The following WDFY3 variants were observed in gnomAD, a reference collection of about 807,000 sequenced individuals.
The protein encoded by WDFY3 is WD repeat and FYVE domain containing 3.
A neutral mutation model predicts 409.6 loss-of-function variants in WDFY3; 66 were observed. The observed-to-expected ratio is 0.16, with a 90% confidence interval of 0.13 to 0.20. WDFY3 has a LOEUF of 0.20. Among genes scored for constraint, WDFY3 ranks in the 10% least tolerant of loss-of-function variants. The probability of loss-of-function intolerance (pLI) is 1.00; values close to 1 mark genes in which losing one functional copy is unlikely to be tolerated. For synonymous variants in WDFY3, 1,521 were observed against 1,537.1 expected (o/e 0.99, Z 0.25); for missense variants, 3,031 against 4,298.1 (o/e 0.71, Z 8.24).
chr4:84,865,663 C>T (rs545743460), intron 3 of WDFY3, among the ~76,000 whole-genome samples: 41 of 152,196 alleles, frequency 2.7e-4, no homozygotes, highest in Non-Finnish European at 5.3e-4. Context: ...GACCACTTTT[C>T]CTTGTTCTTT....
chr4:84,795,306 C>G (rs1448482101), intron 19 of WDFY3, among the ~76,000 whole-genome samples: 1 of 152,208 alleles, frequency 6.6e-6, no homozygotes, highest in African/African-American at 2.4e-5. Context: ...CTCCCATGTG[C>G]CCCTTACTGT....
intron 1 of WDFY3, among the ~76,000 whole-genome samples, chr4:84,941,345 A>G (rs986073444): frequency 6.6e-6 from 1 of 152,068 alleles, no homozygotes; most frequent in Non-Finnish European, 1.5e-5. Context: ...AAACAACTAA[A>G]AGTTATAGAT....
rs745477649 is a variant in WDFY3 at position 84,850,032 on chromosome 4, A to G, written c.181-7T>C. 7.6e-6 allele frequency: 12 copies of G among 1,573,836 alleles called. No homozygotes were observed. The highest frequency in any genetic ancestry group is 1.7e-4 in the Middle Eastern group (1 of 5,926). ...GCGGAGCATTTCCAAAAACCTGTAG[A>G]TAAGAAAAGACATTGTTAATGAAGC... On this transcript the variant is annotated splice_region_variant and splice_polypyrimidine_tract_variant and intron_variant, in intron 4 of 67. Coordinates refer to ENST00000295888, the MANE Select transcript of WDFY3 (RefSeq NM_014991.6).
intron 46 of WDFY3, among the ~76,000 whole-genome samples, chr4:84,722,627 C>T (rs184313180): frequency 3.3e-5 from 5 of 152,232 alleles, no homozygotes; most frequent in Non-Finnish European, 5.9e-5. Flanking sequence ...AATCACAGTA[C>T]GATAATTTAA....
chr4:84,871,792 G>A (rs1022903901), intron 3 of WDFY3, among the ~76,000 whole-genome samples: 2 of 151,900 alleles, frequency 1.3e-5, no homozygotes, highest in Non-Finnish European at 2.9e-5. Context: ...ATACCACCAC[G>A]GCCAGTTAAT....
intron 3 of WDFY3, among the ~76,000 whole-genome samples, chr4:84,887,442 A>C (rs202186759): frequency 2.6e-5 from 4 of 152,170 alleles, no homozygotes; most frequent in Non-Finnish European, 5.9e-5. Flanking sequence ...AGTGTAAAAC[A>C]CCAGCCATTC....
intron 13 of WDFY3, 46 bp from the exon 14 acceptor site, chr4:84,810,390 A>G (rs1417861939): frequency 4.6e-6 from 5 of 1,085,986 alleles, no homozygotes; most frequent in Non-Finnish European, 4.8e-6. Context: ...ACATAATTCA[A>G]AAAAAAAAAA....
chr4:84,717,920 C>T (rs192218408), intron 48 of WDFY3, among the ~76,000 whole-genome samples: 90 of 151,608 alleles, frequency 5.9e-4, no homozygotes, highest in Admixed American at 1.7e-3. Flanking sequence ...TGGTGGCGGG[C>T]GCCTGTAGTC....
In WDFY3 at chr4:84,920,872, G is replaced by C. The variant is rs905347205; in HGVS notation, c.-132+11398C>G. The stretch of plus-strand genomic sequence containing the variant: ...CTCCAATCATACCAAATTGGTGTAG[G>C]ACCTAATCACTTAGCATTTCTCGTC... On this transcript the variant is annotated intron_variant, in intron 2 of 67. Coordinates refer to ENST00000295888, the MANE Select transcript of WDFY3 (RefSeq NM_014991.6). Among the ~76,000 whole-genome samples, 10 of 151,778 alleles carry C rather than the reference G, an allele frequency of 6.6e-5. 1 individual carries two copies. Among genetic ancestry groups the C allele is most frequent in the African/African-American group, 2.4e-4 (10 of 41,286 alleles).
At position 84,736,166 on chromosome 4, in the gene WDFY3, G is replaced by A; in HGVS notation, c.6915+4C>T. On this transcript the variant is annotated splice_donor_region_variant and intron_variant, in intron 42 of 67. Coordinates refer to ENST00000295888, the MANE Select transcript of WDFY3 (RefSeq NM_014991.6). ...TAATATCAGCAATGAAACTAAAAAA[G>A]TACCTGGGTGGAAAGACTGTGTTTA... The A allele has an allele frequency of 1.9e-6, 3 of 1,605,012 alleles. No individual in the cohort carries two copies. Among genetic ancestry groups the A allele is most frequent in the Middle Eastern group, 1.7e-4 (1 of 5,994 alleles).
At chr4:84,947,539 A>AATG (rs897926892) in intron 1 of WDFY3, among the ~76,000 whole-genome samples, 5 of 146,422 alleles carry the variant, frequency 3.4e-5, no homozygotes, top group Non-Finnish European at 7.5e-5. Flanking sequence ...TAATAATAAT[A>AATG]ATAAAAATAA....
chr4:84,783,203 G>T (rs553880596), intron 24 of WDFY3, 129 bp from the exon 25 acceptor site: 4 of 825,696 alleles, frequency 4.8e-6, no homozygotes, highest in Non-Finnish European at 7.7e-6. Flanking sequence ...ACTGAAAAAC[G>T]AGCATTTAGG....
intron 58 of WDFY3, 30 bp from the exon 59 acceptor site, chr4:84,693,062 A>C: frequency 6.2e-7 from 1 of 1,600,314 alleles, no homozygotes; most frequent in Non-Finnish European, 8.5e-7. Flanking sequence ...CTCACTTTAT[A>C]ATGAAAGATA....
intron 25 of WDFY3, among the ~76,000 whole-genome samples, chr4:84,781,578 G>A (rs1746531479): frequency 6.6e-6 from 1 of 151,640 alleles, no homozygotes; most frequent in African/African-American, 2.4e-5. Context: ...TTACAGTGCT[G>A]GATTTTGAAA....
intron 3 of WDFY3, among the ~76,000 whole-genome samples, chr4:84,870,659 G>A (rs1206421967): frequency 6.6e-6 from 1 of 152,158 alleles, no homozygotes; most frequent in South Asian, 2.1e-4. Context: ...TTTTATCAGA[G>A]CCTTATCTTT....
intron 3 of WDFY3, among the ~76,000 whole-genome samples, chr4:84,875,530 A>G (rs190275813): frequency 1.1e-3 from 170 of 152,304 alleles, no homozygotes; most frequent in Non-Finnish European, 2.0e-3. Flanking sequence ...TTCTCCAATA[A>G]TAAATTAACT....
chr4:84,913,453 G>C (rs1300668409), intron 2 of WDFY3, among the ~76,000 whole-genome samples: 1 of 152,146 alleles, frequency 6.6e-6, no homozygotes, highest in East Asian at 1.9e-4. Flanking sequence ...AAAAAGGTGA[G>C]GGGTGAAGGG....
rs542850009 is a variant in WDFY3 at position 84,783,223 on chromosome 4, G to A, written c.4063-149C>T. 1.3e-4 allele frequency: 94 copies of A among 723,000 alleles called. 1 individual carries two copies. In the South Asian group the frequency reaches 1.4e-3, roughly 11 times the overall value. 44.8% of individuals were successfully genotyped at this position (723,000 alleles called of 1,614,324 possible). ...AAAACGAGCATTTAGGTCCAGCCTG[G>A]TGGCTCATGCCTATAATCCTAACAC... is the stretch of plus-strand genomic sequence containing the variant. On this transcript the variant is annotated intron_variant, in intron 24 of 67. Transcript: ENST00000295888.
intron 2 of WDFY3, among the ~76,000 whole-genome samples, chr4:84,907,770 C>T (rs890390376): frequency 1.3e-5 from 2 of 152,022 alleles, no homozygotes; most frequent in African/African-American, 4.8e-5. Flanking sequence ...GCCCTACAGA[C>T]ACAGGGAAAA....
Sources: gnomAD v4.1 joint callset for allele counts (sites outside exome capture counted in the v4.1 genomes callset) on GRCh38, gnomAD v4.1.1 for gene constraint, MANE v1.5 for transcripts, NCBI Gene and HGNC (gene_info 2026-07-23, HGNC 2026-07-21) for gene names.